Variants in DNER observed in about 807,000 individuals in gnomAD.
The protein encoded by DNER is delta and Notch-like epidermal growth factor-related receptor.
In DNER, 33 loss-of-function variants were observed where a neutral mutation model predicts 78.2. That is an observed-to-expected ratio of 0.42 (90% CI 0.32 to 0.56). DNER has a LOEUF of 0.56. DNER is among the 20% of genes least tolerant of loss of function. The pLI is 0.11. For missense variants in DNER, 918 were observed against 975.3 expected (o/e 0.94, Z 0.78); for synonymous variants, 417 against 384.8 (o/e 1.08, Z -0.98).
intron 7 of DNER, among the ~76,000 whole-genome samples, chr2:229,451,186 T>A (rs1694449164): frequency 6.6e-6 from 1 of 152,204 alleles, no homozygotes; most frequent in Admixed American, 6.5e-5. Flanking sequence ...AGGCCAGGCG[T>A]GATGGCTCAT....
At chr2:229,526,455 C>T (rs1281598529) in intron 5 of DNER, among the ~76,000 whole-genome samples, 1 of 152,170 alleles carries the variant, frequency 6.6e-6, no homozygotes. Flanking sequence ...TACCCTAGAG[C>T]AGCAGTCCCC....
intron 1 of DNER, among the ~76,000 whole-genome samples, chr2:229,615,584 C>T (rs1698141466): frequency 6.6e-6 from 1 of 151,474 alleles, no homozygotes. Flanking sequence ...TGGTGGTGGG[C>T]ACCTGTAGCC....
chr2:229,435,305 C>T (rs187510950), intron 8 of DNER, among the ~76,000 whole-genome samples: 53 of 152,268 alleles, frequency 3.5e-4, no homozygotes, highest in Admixed American at 2.5e-3. Flanking sequence ...ATCCAGGACC[C>T]GGCAGTCCCC....
At chr2:229,510,183 A>G (rs980561032) in intron 6 of DNER, among the ~76,000 whole-genome samples, 3 of 152,232 alleles carry the variant, frequency 2.0e-5, no homozygotes, top group Admixed American at 6.5e-5. Context: ...GGGGTGAGAT[A>G]GGGCTGGAAA....
intron 5 of DNER, among the ~76,000 whole-genome samples, chr2:229,530,686 T>G (rs1380863464): frequency 6.6e-6 from 1 of 152,220 alleles, no homozygotes; most frequent in African/African-American, 2.4e-5. Context: ...TATCCCTTAT[T>G]GACTTGGAAA....
intron 1 of DNER, among the ~76,000 whole-genome samples, chr2:229,699,422 A>G (rs1699709560): frequency 6.6e-6 from 1 of 152,142 alleles, no homozygotes; most frequent in Non-Finnish European, 1.5e-5. Flanking sequence ...CTGCAGTGCA[A>G]TGGCTGGATT....
intron 5 of DNER, among the ~76,000 whole-genome samples, chr2:229,515,842 G>A (rs979338215): frequency 1.3e-5 from 2 of 151,872 alleles, no homozygotes; most frequent in East Asian, 1.9e-4. Context: ...GGGTTTCACC[G>A]TGTTAGCAAG....
intron 6 of DNER, among the ~76,000 whole-genome samples, chr2:229,509,337 C>A (rs935082836): frequency 6.6e-6 from 1 of 152,162 alleles, no homozygotes; most frequent in African/African-American, 2.4e-5. Context: ...GATATTGCAA[C>A]CATCTAAAAG....
At chr2:229,471,277 T>G (rs1027221619) in intron 7 of DNER, among the ~76,000 whole-genome samples, 5 of 152,056 alleles carry the variant, frequency 3.3e-5, no homozygotes, top group African/African-American at 1.2e-4. Flanking sequence ...CAAATCCCTT[T>G]AAGATGAAAA....
chr2:229,523,508 A>G (rs755966395), intron 5 of DNER, among the ~76,000 whole-genome samples: 1 of 152,034 alleles, frequency 6.6e-6, no homozygotes, highest in Non-Finnish European at 1.5e-5. Context: ...GTCCTTTCTT[A>G]TTGGATGAGG....
chr2:229,404,634 T>G (rs1693341494), intron 10 of DNER, among the ~76,000 whole-genome samples: 2 of 152,148 alleles, frequency 1.3e-5, no homozygotes, highest in Admixed American at 1.3e-4. Context: ...TAATGCCATT[T>G]GATGAGCTAG....
chr2:229,664,865 G>A (rs904442715), intron 1 of DNER, among the ~76,000 whole-genome samples: 1 of 152,024 alleles, frequency 6.6e-6, no homozygotes, highest in Admixed American at 6.6e-5. Flanking sequence ...TGAGGCCACT[G>A]TGCTATGAAA....
At chr2:229,374,271 A>G (rs1692552348) in intron 11 of DNER, among the ~76,000 whole-genome samples, 1 of 152,156 alleles carries the variant, frequency 6.6e-6, no homozygotes, top group Admixed American at 6.5e-5. Context: ...GGAAATGGTT[A>G]AAAAACTAAT....
At chr2:229,598,435 C>A (rs1364966660) in intron 1 of DNER, among the ~76,000 whole-genome samples, 1 of 152,222 alleles carries the variant, frequency 6.6e-6, no homozygotes, top group Non-Finnish European at 1.5e-5. Context: ...ATAGATGAGT[C>A]AGAGACGTTA....
intron 7 of DNER, among the ~76,000 whole-genome samples, chr2:229,470,358 T>C (rs186707627): frequency 6.6e-6 from 1 of 152,128 alleles, no homozygotes; most frequent in Non-Finnish European, 1.5e-5. Flanking sequence ...AGAAAGCTAA[T>C]GTGGGAAGAG....
chr2:229,397,910 A>G (rs1456358971), intron 10 of DNER, among the ~76,000 whole-genome samples: 2 of 152,188 alleles, frequency 1.3e-5, no homozygotes, highest in Admixed American at 6.5e-5. Context: ...AAATGCATGC[A>G]TTAGCTGTGA....
At chr2:229,451,114 T>C (rs532485833) in intron 7 of DNER, among the ~76,000 whole-genome samples, 1 of 152,312 alleles carries the variant, frequency 6.6e-6, no homozygotes, top group Non-Finnish European at 1.5e-5. Flanking sequence ...AACTTCCTAG[T>C]ACGGTTCCCA....
At chr2:229,570,624 C>CAAA (rs11432946) in intron 4 of DNER, among the ~76,000 whole-genome samples, 14 of 140,544 alleles carry the variant, frequency 1.0e-4, no homozygotes, top group African/African-American at 3.7e-4. Context: ...AACTCCATCT[C>CAAA]AAAAAAAAAA....
At chr2:229,484,663 T>A (rs941320441) in intron 6 of DNER, among the ~76,000 whole-genome samples, 3 of 152,170 alleles carry the variant, frequency 2.0e-5, no homozygotes, top group Admixed American at 1.3e-4. Flanking sequence ...GTTATACCTC[T>A]GAAGGTGTGA....
Sources: allele counts gnomAD v4.1 joint callset (sites outside exome capture counted in the v4.1 genomes callset), GRCh38; gene constraint gnomAD v4.1.1; transcripts MANE v1.5; gene names NCBI Gene and HGNC (gene_info 2026-07-23, HGNC 2026-07-21).